The following RARB variants were observed in gnomAD, a reference collection of about 807,000 sequenced individuals.
RARB encodes the protein retinoic acid receptor beta.
A neutral mutation model predicts 51.9 loss-of-function variants in RARB; 17 were observed. The ratio of observed to expected loss-of-function variants is 0.33; its 90% confidence interval spans 0.22 to 0.49. RARB has a LOEUF of 0.49. Ranked by LOEUF, RARB falls within the 20% of genes least tolerant of loss-of-function variation. RARB has a pLI of 0.99. For missense variants in RARB, 369 were observed against 550.8 expected (o/e 0.67, Z 3.30); for synonymous variants, 215 against 195.4 (o/e 1.10, Z -0.84).
At chr3:25,095,958 A>C (rs531857069) in intron 3 of RARB, among the ~76,000 whole-genome samples, 1 of 152,272 alleles carries the variant, frequency 6.6e-6, no homozygotes, top group African/African-American at 2.4e-5. Context: ...AGCAGGCTCC[A>C]CCGCCGGGGA....
intron 4 of RARB, among the ~76,000 whole-genome samples, chr3:25,137,167 A>G (rs1700042200): frequency 6.6e-6 from 1 of 152,050 alleles, no homozygotes; most frequent in South Asian, 2.1e-4. Context: ...ATTTCAAAAG[A>G]TTTCTCACTG....
intron 4 of RARB, among the ~76,000 whole-genome samples, 158 bp from the exon 5 acceptor site, chr3:25,580,388 A>G (rs1000056154): frequency 6.6e-6 from 1 of 152,238 alleles, no homozygotes; most frequent in Non-Finnish European, 1.5e-5. Flanking sequence ...ACACAAAAAA[A>G]GGATGAATCC....
intron 5 of RARB, among the ~76,000 whole-genome samples, chr3:25,583,119 G>A (rs1701248049): frequency 6.6e-6 from 1 of 152,142 alleles, no homozygotes; most frequent in African/African-American, 2.4e-5. Context: ...AAAGGGCAAA[G>A]ACCTCCAATC....
At chr3:25,127,805 G>A (rs1379119796) in intron 3 of RARB, among the ~76,000 whole-genome samples, 3 of 152,040 alleles carry the variant, frequency 2.0e-5, no homozygotes, top group Admixed American at 6.6e-5. Flanking sequence ...GACAGCAATA[G>A]AAATTATATA....
intron 5 of RARB, among the ~76,000 whole-genome samples, chr3:25,285,821 A>G (rs753022798): frequency 1.3e-5 from 2 of 152,168 alleles, no homozygotes; most frequent in Non-Finnish European, 2.9e-5. Context: ...AATATGTTCC[A>G]TTTTAGACAA....
chr3:25,307,409 A>G (rs1380864518), intron 5 of RARB, among the ~76,000 whole-genome samples: 1 of 151,940 alleles, frequency 6.6e-6, no homozygotes, highest in Non-Finnish European at 1.5e-5. Context: ...AAATTGTAAT[A>G]TGGCCATGTA....
At chr3:25,245,883 A>C (rs1575252663) in intron 5 of RARB, among the ~76,000 whole-genome samples, 1 of 152,232 alleles carries the variant, frequency 6.6e-6, no homozygotes, top group East Asian at 1.9e-4. Flanking sequence ...GGGTCAGGGA[A>C]GTTCTCCTGG....
intron 4 of RARB, among the ~76,000 whole-genome samples, chr3:25,147,341 G>T (rs1700209618): frequency 1.3e-5 from 2 of 152,104 alleles, no homozygotes; most frequent in Non-Finnish European, 2.9e-5. Context: ...AATCCTGTGA[G>T]TTCATCCATG....
intron 5 of RARB, among the ~76,000 whole-genome samples, chr3:25,230,832 A>G (rs900288527): frequency 9.2e-5 from 14 of 152,162 alleles, no homozygotes; most frequent in African/African-American, 2.7e-4. Flanking sequence ...CACGTGCTCA[A>G]TAATAAAATG....
At chr3:24,954,282 TTCA>T (rs1057273429) in intron 2 of RARB, among the ~76,000 whole-genome samples, 16 of 152,116 alleles carry the variant, frequency 1.1e-4, no homozygotes, top group African/African-American at 3.9e-4. Context: ...CACCTCAAAA[TTCA>T]TCATGTGTCC....
At chr3:25,054,450 C>G (rs982462256) in intron 2 of RARB, among the ~76,000 whole-genome samples, 1 of 152,042 alleles carries the variant, frequency 6.6e-6, no homozygotes, top group African/African-American at 2.4e-5. Flanking sequence ...TGGGGAGGTC[C>G]GCAGGAGAGC....
upstream of RARB, among the ~76,000 whole-genome samples, chr3:25,425,730 A>G (rs1365720966): frequency 6.6e-6 from 1 of 152,222 alleles, no homozygotes; most frequent in African/African-American, 2.4e-5. Flanking sequence ...ATGATACAGT[A>G]TAGAGGTAAG....
Position 25,575,042 on chromosome 3 carries a change from C to G in RARB, c.609+5124C>G, listed in dbSNP as rs1460187114. On this transcript the variant is annotated intron_variant, in intron 4 of 7. Coordinates refer to ENST00000330688, the MANE Select transcript of RARB (RefSeq NM_000965.5). ...CTGTGCTGCCAGTATCACCCAGCAG[C>G]GGTCCCCAACCTTCTTGGCACCAGG... is the stretch of plus-strand genomic sequence containing the variant. Among the ~76,000 whole-genome samples the G allele has an allele frequency of 3.9e-5, 6 of 152,164 alleles. No individual in the cohort carries two copies. The South Asian group carries it at 1.0e-3, about 26-fold the overall frequency.
intron 3 of RARB, among the ~76,000 whole-genome samples, chr3:25,121,202 C>G (rs1007403193): frequency 6.6e-6 from 1 of 152,050 alleles, no homozygotes; most frequent in African/African-American, 2.4e-5. Context: ...GGGCAGAGTT[C>G]CCCAGGTGGA....
chr3:25,185,957 A>C (rs1039407063), intron 5 of RARB, among the ~76,000 whole-genome samples: 1 of 152,128 alleles, frequency 6.6e-6, no homozygotes, highest in Non-Finnish European at 1.5e-5. Flanking sequence ...CTTCACTTTA[A>C]GAACAGAAAA....
At chr3:25,531,424 A>G (rs1010064445) in intron 3 of RARB, among the ~76,000 whole-genome samples, 1 of 147,852 alleles carries the variant, frequency 6.8e-6, no homozygotes. Context: ...AGATAGATAG[A>G]AGATAGATAG....
Position 25,310,982 on chromosome 3 carries a change from C to A in RARB, c.178+136407C>A, listed in dbSNP as rs903884992. 2.6e-5 allele frequency among the ~76,000 whole-genome samples: 4 copies of A among 152,156 alleles called. No individual in the cohort carries two copies. In the East Asian group the frequency reaches 5.8e-4, roughly 22 times the overall value. The stretch of plus-strand genomic sequence containing the variant: ...ATTAAAGGAGATGTATACATAATGG[C>A]CCTGAACCTTCAAGTCCAATGGAAC... On this transcript the variant is annotated intron_variant, in intron 5 of 11. Transcript: ENST00000383772.
chr3:25,482,588 G>A (rs1249812262), intron 2 of RARB, among the ~76,000 whole-genome samples: 8 of 123,588 alleles, frequency 6.5e-5, no homozygotes, highest in East Asian at 5.0e-4. Flanking sequence ...CTCCCAGGCC[G>A]GAGTGCAGTG....
intron 2 of RARB, among the ~76,000 whole-genome samples, chr3:24,935,184 C>T (rs933476732): frequency 6.6e-6 from 1 of 152,042 alleles, no homozygotes; most frequent in Admixed American, 6.6e-5. Flanking sequence ...TATTCTGTTG[C>T]AGGTTTTAAA....
Sources: gnomAD v4.1 joint callset for allele counts (sites outside exome capture counted in the v4.1 genomes callset) on GRCh38, gnomAD v4.1.1 for gene constraint, MANE v1.5 for transcripts, NCBI Gene and HGNC (gene_info 2026-07-23, HGNC 2026-07-21) for gene names.